Variants in TONSL observed in about 807,000 individuals in gnomAD.
TONSL encodes tonsoku like, DNA repair protein, also known as tonsoku-like protein.
TONSL carries 112 observed loss-of-function variants against 147.1 expected under a neutral mutation model. The ratio of observed to expected loss-of-function variants is 0.76; its 90% CI spans 0.65 to 0.89. The LOEUF (loss-of-function observed/expected upper bound fraction) is 0.89, where lower values mean the gene tolerates loss of function less well. Among genes scored for constraint, TONSL ranks in the 40% least tolerant of loss-of-function variants. TONSL has a pLI of 0.00. For synonymous variants in TONSL, 868 were observed against 801.5 expected (o/e 1.08, Z -1.40); for missense variants, 1,883 against 1,864.6 (o/e 1.01, Z -0.18).
chr8:144,443,006 C>A (rs1018732796), intron 4 of TONSL, 132 bp downstream of exon 4: 14 of 1,252,050 alleles, frequency 1.1e-5, no homozygotes, highest in Non-Finnish European at 1.5e-5. Flanking sequence ...GGGGCATGCA[C>A]CCCTCACACA....
In TONSL at chr8:144,435,176, G is replaced by A; in HGVS notation, c.2853-6C>T. 1 of 1,524,450 alleles carries A rather than the reference G, an allele frequency of 6.6e-7. No homozygotes were observed. Among genetic ancestry groups the A allele is most frequent in the Non-Finnish European group, 8.8e-7 (1 of 1,137,044 alleles). 94.4% of individuals were successfully genotyped at this position (1,524,450 alleles called of 1,614,324 possible). On this transcript the variant is annotated splice_region_variant and splice_polypyrimidine_tract_variant and intron_variant, in intron 18 of 25. Coordinates refer to ENST00000409379, the MANE Select transcript of TONSL (RefSeq NM_013432.5). ...CCACAGAGTGGGTGTCACTGCTGCAGGGACAGAGGCGCTGCTGCTGCTGCC... is the reference window on the plus strand; with the variant it reads ...CCACAGAGTGGGTGTCACTGCTGCAAGGACAGAGGCGCTGCTGCTGCTGCC...
rs368374264 is a variant in TONSL, at chr8:144,438,452, G to C, written c.1653+19C>G. The C allele has an allele frequency of 6.2e-7, 1 of 1,609,808 alleles. No individual in the cohort carries two copies. Among genetic ancestry groups the C allele is most frequent in the Non-Finnish European group, 8.5e-7 (1 of 1,178,396 alleles). Reference sequence around the variant, plus strand: ...CTCCATGCTAGGCAGCCTGTCCCACGTCCCAGAGCGGGGCCCACCTGCCTC... The same window carrying C: ...CTCCATGCTAGGCAGCCTGTCCCACCTCCCAGAGCGGGGCCCACCTGCCTC... On this transcript the variant is annotated intron_variant, in intron 13 of 25. Transcript: ENST00000409379.
intron 11 of TONSL, chr8:144,439,681 T>A (rs1046250267): frequency 1.1e-5 from 4 of 348,576 alleles, no homozygotes; most frequent in Non-Finnish European, 2.1e-5. Context: ...CTCTGAAGGG[T>A]TTCAGGAAGG....
Position 144,437,030 on chromosome 8 carries a change from G to A in TONSL, c.1723C>T (p.Leu575=), listed in dbSNP as rs780857014. 1 of 1,613,322 alleles carries A rather than the reference G, an allele frequency of 6.2e-7. No individual in the cohort carries two copies. The highest frequency in any genetic ancestry group is 8.5e-7 in the Non-Finnish European group (1 of 1,179,956). The stretch of plus-strand genomic sequence containing the variant: ...GCTCCTTCTGTCCCTTGCTCACCTA[G>A]ATGCCCGTAGTTGCAGGCCTCGTGC... ...PLHEACNYGH[L]EIVRFLLDHG... Residue 575 remains leucine, a synonymous_variant, in exon 14 of 26, where the codon CTA becomes TTA. Coordinates refer to ENST00000409379, the MANE Select transcript of TONSL (RefSeq NM_013432.5).
chr8:144,436,221 C>G lies in TONSL; in HGVS notation c.2212G>C (p.Ala738Pro), dbSNP rs562608342. ...CCTTCTGAGCTGCTGCTGCTGCTGG[C>G]TGGCCCATGCCTGCTCCTCCGAGGC... The part of the protein sequence containing the change: ...ARPRRSRHGP[A>P]SSSSSSEGED... Residue 738 changes from alanine to proline, a missense_variant, in exon 17 of 26, where the codon GCC becomes CCC. By Grantham distance (27) the Ala-to-Pro change is conservative (BLOSUM62 -1). Coordinates refer to ENST00000409379, the MANE Select transcript of TONSL (RefSeq NM_013432.5). 2.6e-6 allele frequency: 4 copies of G among 1,563,016 alleles called. No individual in the cohort carries two copies. The Admixed American group carries it at 6.9e-5, about 27-fold the overall frequency.
Position 144,436,382 on chromosome 8 carries a change from C to G in TONSL, c.2051G>C (p.Ser684Thr). Residue 684 changes from serine (S) to threonine (T), a missense_variant, in exon 17 of 26, where the codon AGC becomes ACC. By Grantham distance (58) the Ser-to-Thr change is moderately conservative. Coordinates refer to ENST00000409379, the MANE Select transcript of TONSL (RefSeq NM_013432.5). ...HSSQAFHTPS[S>T]LLFDPETSPP... Reference sequence around the variant, plus strand: ...AGAGGTCTCGGGGTCAAACAGAAGGCTGCTTGGGGTGTGGAAGGCCTGGGA... The same window carrying G: ...AGAGGTCTCGGGGTCAAACAGAAGGGTGCTTGGGGTGTGGAAGGCCTGGGA... The G allele has an allele frequency of 6.6e-7, 1 of 1,503,918 alleles. No individual in the cohort carries two copies. 93.2% of individuals were successfully genotyped at this position (1,503,918 alleles called of 1,614,324 possible).
chr8:144,440,726 C>G lies in TONSL; in HGVS notation c.1156G>C (p.Val386Leu), dbSNP rs151056734. Reference protein sequence around the residue: ...EEELRLRSGNVLEEAKTWLNI... With the variant: ...EEELRLRSGNLLEEAKTWLNI... ...GGGAGCAAGGGTTTCACCTCCAGCACGTTGCCGCTGCGCAGCCTCAGTTCC... is the reference window on the plus strand; with the variant it reads ...GGGAGCAAGGGTTTCACCTCCAGCAGGTTGCCGCTGCGCAGCCTCAGTTCC... Residue 386 changes from valine (V) to leucine (L), a missense_variant, in exon 9 of 26, where the codon GTG becomes CTG. Coordinates refer to ENST00000409379, the MANE Select transcript of TONSL (RefSeq NM_013432.5). 23 of 1,612,144 alleles carry G rather than the reference C, an allele frequency of 1.4e-5. No homozygotes were observed. Among genetic ancestry groups the G allele is most frequent in the Non-Finnish European group, 1.9e-5 (23 of 1,179,636 alleles).
At position 144,435,463 on chromosome 8, in the gene TONSL, C is replaced by A. The variant is rs765393961; in HGVS notation, c.2852+11G>T. The A allele has an allele frequency of 2.0e-6, 3 of 1,534,994 alleles. No individual in the cohort carries two copies. Among genetic ancestry groups the A allele is most frequent in the African/African-American group, 2.8e-5 (2 of 72,696 alleles). ...CAGGTGGGCTGCGGGGTAGGGCAGG[C>A]GATGCCTCACCTGTGTGGGACAGGG... On this transcript the variant is annotated intron_variant, in intron 18 of 25. Transcript: ENST00000409379.
chr8:144,441,223 C>T (rs1823704722), intron 7 of TONSL, 112 bp from the exon 8 acceptor site: 2 of 1,432,234 alleles, frequency 1.4e-6, no homozygotes, highest in East Asian at 2.5e-5. Flanking sequence ...CACACCTCTG[C>T]CTGCCTGTTG....
In TONSL at chr8:144,432,343, A is replaced by G. The variant is rs1326868376; in HGVS notation, c.3677T>C (p.Val1226Ala). The change falls in exon 23 of 26, where the codon GTG becomes GCG. Residue 1226 changes from valine (V) to alanine (A), a missense_variant. Physicochemically the swap from Val to Ala is moderately conservative, Grantham distance 64. Transcript: ENST00000409379. ...GTLLHLELSS[V>A]AAGKGDSDLM... ...GTCCGAATCACCCTTGCCGGCTGCC[A>G]CGGAGCTGAGCTCTAAGTGCAGGAG... The G allele has an allele frequency of 1.2e-5, 19 of 1,613,468 alleles. No individual in the cohort carries two copies. Among genetic ancestry groups the G allele is most frequent in the Non-Finnish European group, 1.4e-5 (16 of 1,179,902 alleles).
intron 21 of TONSL, 99 bp from the exon 22 acceptor site, chr8:144,433,858 A>G (rs1426565331): frequency 6.8e-7 from 1 of 1,471,160 alleles, no homozygotes; most frequent in African/African-American, 1.4e-5. Flanking sequence ...CTTGCCTGGC[A>G]TAGCCTATTA....
intron 24 of TONSL, 31 bp from the exon 25 acceptor site, chr8:144,430,568 T>C: frequency 6.3e-7 from 1 of 1,585,422 alleles, no homozygotes; most frequent in Non-Finnish European, 8.6e-7. Context: ...GTGCAAAGGT[T>C]GGCTTCCAGA....
At chr8:144,431,752 ATCCGCCCGCC>A (rs1304666265) in intron 23 of TONSL, among the ~76,000 whole-genome samples, 1 of 150,966 alleles carries the variant, frequency 6.6e-6, no homozygotes, top group African/African-American at 2.4e-5. Flanking sequence ...TGACCTCGTG[ATCCGCCCGCC>A]TCGGCCTCCC....
At chr8:144,435,577 G>C in intron 17 of TONSL, 27 bp from the exon 18 acceptor site, 1 of 1,561,078 alleles carries the variant, frequency 6.4e-7, no homozygotes, top group African/African-American at 1.4e-5. Context: ...GCAGGGCTGA[G>C]TCAGGAGCCA....
rs553406809 is a variant in TONSL, at chr8:144,443,745, G to A, written c.264+137C>T. ...GTCCCCACCGGAGGACTGGCCCGGG[G>A]CGGTGAAGGCAAGGCTGCGTCAGGT... On this transcript the variant is annotated intron_variant, in intron 3 of 25. Transcript: ENST00000409379. 116 of 1,236,628 alleles carry A rather than the reference G, an allele frequency of 9.4e-5. 1 individual carries two copies. In the South Asian group the frequency reaches 1.6e-3, roughly 17 times the overall value. The allele number at this position is 1,236,628 out of a possible 1,614,324, so 76.6% of individuals were successfully genotyped here. A position where few individuals can be genotyped will look rare whatever the true frequency, so the allele number is the denominator to read the frequency against.
intron 22 of TONSL, 121 bp from the exon 23 acceptor site, chr8:144,432,581 G>A (rs538016408): frequency 9.9e-7 from 1 of 1,013,694 alleles, no homozygotes; most frequent in South Asian, 2.2e-5. Context: ...CTCGCAGGGT[G>A]GGGTGGCAAG....
chr8:144,442,658 G>A lies in TONSL; in HGVS notation c.578+19C>T, dbSNP rs1321429925. 1 of 1,608,244 alleles carries A rather than the reference G, an allele frequency of 6.2e-7. No individual in the cohort carries two copies. The highest frequency in any genetic ancestry group is 8.5e-7 in the Non-Finnish European group (1 of 1,177,728). ...GAACAAGGGACTCCACTCCCTCCTG[G>A]GGCGGGGCAGGGCCTTACTCCGCAA... On this transcript the variant is annotated intron_variant, in intron 5 of 25. Transcript: ENST00000409379.
chr8:144,434,692 G>A (rs1823359566), intron 20 of TONSL, 119 bp downstream of exon 20: 3 of 1,108,538 alleles, frequency 2.7e-6, no homozygotes, highest in Admixed American at 4.6e-5. Context: ...CACCCACCAG[G>A]CTGGGGGAGG....
At position 144,435,068 on chromosome 8, in the gene TONSL, G is replaced by T. The variant is rs759156589; in HGVS notation, c.2955C>A (p.Ala985=). The T allele has an allele frequency of 6.2e-7, 1 of 1,611,266 alleles. No individual in the cohort carries two copies. Among genetic ancestry groups the T allele is most frequent in the South Asian group, 1.1e-5 (1 of 90,784 alleles). The change falls in exon 19 of 26, where the codon GCC becomes GCA. Residue 985 remains alanine, a synonymous_variant. Transcript: ENST00000409379. ...LPRLTLRKEG[A]LLAPQDLIPD... is the part of the protein sequence containing the mutation. ...GGATGAGGTCCTGTGGGGCCAGCAGGGCCCCCTCTTTCCGTAGGGTGAGCC... is the reference window on the plus strand; with the variant it reads ...GGATGAGGTCCTGTGGGGCCAGCAGTGCCCCCTCTTTCCGTAGGGTGAGCC...
Sources: allele counts gnomAD v4.1 joint callset (sites outside exome capture counted in the v4.1 genomes callset), GRCh38; gene constraint gnomAD v4.1.1; transcripts MANE v1.5; gene names NCBI Gene and HGNC (gene_info 2026-07-23, HGNC 2026-07-21).